ZNF280B: variants seen among roughly 807,000 people sequenced by gnomAD.
ZNF280B encodes the protein zinc finger protein 280B.
Under a neutral mutation model 38.0 loss-of-function variants are expected in ZNF280B, and 16 were observed. The observed-to-expected ratio is 0.42, with a 90% CI of 0.28 to 0.64. The LOEUF (loss-of-function observed/expected upper bound fraction) is 0.64. ZNF280B is among the 30% of genes least tolerant of loss of function. The pLI is 0.21. For missense variants in ZNF280B, 581 were observed against 639.6 expected (o/e 0.91, Z 0.99); for synonymous variants, 253 against 230.6 (o/e 1.10, Z -0.88).
chr22:22,505,771 C>T (rs895446444), intron 2 of ZNF280B, among the ~76,000 whole-genome samples: 8 of 151,530 alleles, frequency 5.3e-5, no homozygotes, highest in Admixed American at 3.3e-4. Flanking sequence ...AAAATAAGTA[C>T]ATAAATAGAC....
At chr22:22,496,691 G>T (rs542700842) in intron 2 of ZNF280B, among the ~76,000 whole-genome samples, 102 of 151,824 alleles carry the variant, frequency 6.7e-4, no homozygotes, top group African/African-American at 2.3e-3. Context: ...GATAGGCAAG[G>T]GAAGATGGTG....
At chr22:22,493,165 C>T (rs148804309) in intron 3 of ZNF280B, among the ~76,000 whole-genome samples, 7,830 of 151,712 alleles carry the variant, frequency 0.052, 271 homozygotes, top group Middle Eastern at 0.19. Flanking sequence ...TGCGCCACCA[C>T]GCCCAGCTAA....
At chr22:22,496,550 A>T (rs1282783415) in intron 2 of ZNF280B, among the ~76,000 whole-genome samples, 1 of 151,820 alleles carries the variant, frequency 6.6e-6, no homozygotes, top group Non-Finnish European at 1.5e-5. Flanking sequence ...AGTTTTAAGG[A>T]TCCTATAAAA....
chr22:22,500,251 T>C (rs1451745746), intron 2 of ZNF280B, among the ~76,000 whole-genome samples: 2 of 151,756 alleles, frequency 1.3e-5, no homozygotes, highest in Non-Finnish European at 2.9e-5. Context: ...CTAAAATAAT[T>C]GAAAGCAGGG....
intron 2 of ZNF280B, among the ~76,000 whole-genome samples, chr22:22,506,977 T>C (rs564412358): frequency 6.6e-6 from 1 of 151,980 alleles, no homozygotes; most frequent in Non-Finnish European, 1.5e-5. Context: ...CAGCAGGAAG[T>C]GATGGTATGC....
chr22:22,496,559 A>C (rs2061699143), intron 2 of ZNF280B, among the ~76,000 whole-genome samples: 1 of 151,876 alleles, frequency 6.6e-6, no homozygotes, highest in Non-Finnish European at 1.5e-5. Flanking sequence ...GATCCTATAA[A>C]ACTCCCATTT....
chr22:22,500,507 T>G (rs2061794867), intron 2 of ZNF280B, among the ~76,000 whole-genome samples: 1 of 151,952 alleles, frequency 6.6e-6, no homozygotes, highest in African/African-American at 2.4e-5. Flanking sequence ...CAAATACTTT[T>G]GTATTTGTAT....
At chr22:22,491,974 G>A (rs895712534) in intron 3 of ZNF280B, among the ~76,000 whole-genome samples, 1 of 151,778 alleles carries the variant, frequency 6.6e-6, no homozygotes. Context: ...ATAATCCAAA[G>A]CATAAAAATT....
intron 2 of ZNF280B, among the ~76,000 whole-genome samples, chr22:22,503,357 C>T (rs1231833294): frequency 1.3e-5 from 2 of 151,950 alleles, no homozygotes; most frequent in East Asian, 3.9e-4. Context: ...TTCAATTTCA[C>T]ACCGCAAAGG....
At position 22,489,289 on chromosome 22, in the gene ZNF280B, T is replaced by C. The variant is rs374247750; in HGVS notation, c.110A>G (p.His37Arg). ...GATTAGCTCAGCATCTTCATTTACA[T>C]GTTCCACACCAACAAAGATGAGCTC... ...DAELIFVGVE[H>R]VNEDAELIFV... The change falls in exon 4 of 4, where the codon CAT (histidine) becomes CGT (arginine). Residue 37 changes from histidine to arginine, a missense_variant. Coordinates refer to ENST00000626650, the MANE Select transcript of ZNF280B (RefSeq NM_080764.4). 4.0e-5 allele frequency: 65 copies of C among 1,613,750 alleles called. No homozygotes were observed. Among genetic ancestry groups the C allele is most frequent in the Non-Finnish European group, 5.3e-5 (63 of 1,179,966 alleles).
chr22:22,487,542 T>G lies in ZNF280B; in HGVS notation c.*225A>C. On this transcript the variant is annotated 3_prime_UTR_variant, in exon 4 of 4. Transcript: ENST00000626650. Reference sequence around the variant, plus strand: ...CACACACACACACAAACACCTTTTATGTGTTAAGCCAGATACAGTTAACAT... The same window carrying G: ...CACACACACACACAAACACCTTTTAGGTGTTAAGCCAGATACAGTTAACAT... 1 of 410,486 alleles carries G rather than the reference T, an allele frequency of 2.4e-6. No homozygotes were observed. The highest frequency in any genetic ancestry group is 4.0e-5 in the Admixed American group (1 of 24,716). The allele number at this position is 410,486 out of a possible 1,614,324, so 25.4% of individuals were successfully genotyped here.
rs144448744 is a variant in ZNF280B at position 22,489,148 on chromosome 22, C to A, written c.251G>T (p.Arg84Leu). 37 of 1,613,692 alleles carry A rather than the reference C, an allele frequency of 2.3e-5. No homozygotes were observed. In the African/African-American group the frequency reaches 3.7e-4, roughly 16 times the overall value. Residue 84 changes from arginine (R) to leucine (L), a missense_variant, in exon 4 of 4, where the codon CGC becomes CTC. Physicochemically the swap from Arg to Leu is moderately radical, Grantham distance 102 (BLOSUM62 -2). Transcript: ENST00000626650. ...KYDHLRKDTA[R>L]KLQPKSHETV... is the part of the protein sequence containing the mutation. ...CTCATGACTTTTAGGCTGCAATTTG[C>A]GAGCAGTATCTTTTCTAAGGTGATC...
At chr22:22,499,612 A>C (rs953203314) in intron 2 of ZNF280B, among the ~76,000 whole-genome samples, 1 of 152,008 alleles carries the variant, frequency 6.6e-6, no homozygotes, top group Non-Finnish European at 1.5e-5. Flanking sequence ...CCTGCAGAAA[A>C]AACACTTGAC....
chr22:22,487,999 A>G lies in ZNF280B; in HGVS notation c.1400T>C (p.Leu467Pro). 1 of 1,613,698 alleles carries G rather than the reference A, an allele frequency of 6.2e-7. No individual in the cohort carries two copies. The highest frequency in any genetic ancestry group is 8.5e-7 in the Non-Finnish European group (1 of 1,179,938). The change falls in exon 4 of 4, where the codon CTA becomes CCA. Residue 467 changes from leucine (L) to proline (P), a missense_variant. By Grantham distance (98) the Leu-to-Pro change is moderately conservative. Coordinates refer to ENST00000626650, the MANE Select transcript of ZNF280B (RefSeq NM_080764.4). ...KSAHQCSKCR[L>P]QFLTFKEKME... is the part of the protein sequence containing the mutation. ...TTTCTCCTTGAAAGTTAAAAACTGT[A>G]GCCGGCACTTGGAACACTGGTGTGC...
At position 22,488,986 on chromosome 22, in the gene ZNF280B, G is replaced by A. The variant is rs1331133238; in HGVS notation, c.413C>T (p.Ser138Phe). The A allele has an allele frequency of 3.7e-6, 6 of 1,613,720 alleles. No homozygotes were observed. The highest frequency in any genetic ancestry group is 4.2e-6 in the Non-Finnish European group (5 of 1,179,970). ...AATCAAAGGAGAAGGTAATTCTGAA[G>A]AGTTATTAGGCACAACTTGTGGTGA... is the stretch of plus-strand genomic sequence containing the variant. ...NSSPQVVPNN[S>F]SELPSPLITF... The change falls in exon 4 of 4, where the codon TCT (serine) becomes TTT (phenylalanine). Residue 138 changes from serine (S) to phenylalanine (F), a missense_variant. By Grantham distance (155) the Ser-to-Phe change is radical. Transcript: ENST00000626650.
chr22:22,499,510 G>C (rs1055981985), intron 2 of ZNF280B, among the ~76,000 whole-genome samples: 1 of 151,702 alleles, frequency 6.6e-6, no homozygotes, highest in African/African-American at 2.4e-5. Context: ...CAGGTGATCC[G>C]CCTGCCTTGG....
Position 22,498,272 on chromosome 22 carries a change from T to A in ZNF280B, c.-186-4092A>T, listed in dbSNP as rs78509547. 9.7e-3 allele frequency among the ~76,000 whole-genome samples: 1,478 copies of A among 152,076 alleles called. 12 individuals are homozygous for A. Among genetic ancestry groups the A allele is most frequent in the South Asian group, 0.026 (124 of 4,810 alleles). On this transcript the variant is annotated intron_variant, in intron 2 of 3. Coordinates refer to ENST00000626650, the MANE Select transcript of ZNF280B (RefSeq NM_080764.4). The stretch of plus-strand genomic sequence containing the variant: ...TGGAATGATGGAAATGTATCAGAAC[T>A]AGATAGAGGCAGCACACGTACAATA...
At chr22:22,499,627 G>A (rs1397798101) in intron 2 of ZNF280B, among the ~76,000 whole-genome samples, 1 of 151,946 alleles carries the variant, frequency 6.6e-6, no homozygotes, top group East Asian at 2.0e-4. Flanking sequence ...CTTGACAAAA[G>A]CTAACATCCT....
At chr22:22,504,219 G>A (rs2061886142) in intron 2 of ZNF280B, among the ~76,000 whole-genome samples, 1 of 151,860 alleles carries the variant, frequency 6.6e-6, no homozygotes, top group African/African-American at 2.4e-5. Flanking sequence ...GGCTCACGAG[G>A]CCAGGAGTTT....
Sources: gnomAD v4.1 joint callset for allele counts (sites outside exome capture counted in the v4.1 genomes callset) on GRCh38, gnomAD v4.1.1 for gene constraint, MANE v1.5 for transcripts, NCBI Gene and HGNC (gene_info 2026-07-23, HGNC 2026-07-21) for gene names.